Variants in CCSER1 observed in about 807,000 individuals in gnomAD.
The protein encoded by CCSER1 is serine-rich coiled-coil domain-containing protein 1.
In CCSER1, 41 loss-of-function variants were observed where a neutral mutation model predicts 82.0. The observed-to-expected ratio is 0.50, with a 90% CI of 0.39 to 0.65. The LOEUF is 0.65. Among genes scored for constraint, CCSER1 ranks in the 30% least tolerant of loss-of-function variants. The pLI is 0.00. For synonymous variants in CCSER1, 414 were observed against 383.9 expected (o/e 1.08, Z -0.92); for missense variants, 1,119 against 1,064.2 (o/e 1.05, Z -0.72).
At chr4:91,237,473 T>G (rs938934212) in intron 10 of CCSER1, among the ~76,000 whole-genome samples, 5 of 151,886 alleles carry the variant, frequency 3.3e-5, no homozygotes, top group African/African-American at 9.7e-5. Flanking sequence ...AGTCAGAAAT[T>G]TTGTCAAAAT....
intron 6 of CCSER1, among the ~76,000 whole-genome samples, chr4:90,722,271 A>G (rs114936040): frequency 0.011 from 1,676 of 151,984 alleles, 37 homozygotes; most frequent in African/African-American, 0.037. Context: ...TACTACAGGT[A>G]AATATCGAAT....
At chr4:90,983,758 A>G (rs1736336731) in intron 9 of CCSER1, among the ~76,000 whole-genome samples, 1 of 151,798 alleles carries the variant, frequency 6.6e-6, no homozygotes, top group Admixed American at 6.6e-5. Flanking sequence ...TATGTTACCT[A>G]ATAAAATTTA....
At chr4:91,141,792 T>C (rs1327145316) in intron 10 of CCSER1, among the ~76,000 whole-genome samples, 1 of 152,138 alleles carries the variant, frequency 6.6e-6, no homozygotes, top group Non-Finnish European at 1.5e-5. Context: ...CCAACAGTTG[T>C]TTTTGGCCCT....
At chr4:90,859,550 T>A (rs1445262886) in intron 8 of CCSER1, among the ~76,000 whole-genome samples, 1 of 151,792 alleles carries the variant, frequency 6.6e-6, no homozygotes, top group Non-Finnish European at 1.5e-5. Context: ...GATGATAGAA[T>A]TAAAAAATAA....
At chr4:90,390,337 A>G (rs889475665) in intron 3 of CCSER1, among the ~76,000 whole-genome samples, 3 of 152,174 alleles carry the variant, frequency 2.0e-5, no homozygotes, top group Admixed American at 2.0e-4. Context: ...CAGGTTTGTT[A>G]CATGGGTATC....
intron 7 of CCSER1, among the ~76,000 whole-genome samples, chr4:90,751,718 GA>G (rs1748695734): frequency 6.6e-6 from 1 of 151,932 alleles, no homozygotes; most frequent in Non-Finnish European, 1.5e-5. Context: ...TTTCCAAATG[GA>G]AGTTTATTCT....
At chr4:90,601,097 A>G (rs1783979487) in intron 5 of CCSER1, among the ~76,000 whole-genome samples, 2 of 152,078 alleles carry the variant, frequency 1.3e-5, no homozygotes, top group South Asian at 4.1e-4. Flanking sequence ...GTCATTTGCA[A>G]ATAAATACAG....
chr4:91,457,425 G>T (rs1560686654), intron 10 of CCSER1, among the ~76,000 whole-genome samples: 1 of 151,870 alleles, frequency 6.6e-6, no homozygotes, highest in Non-Finnish European at 1.5e-5. Flanking sequence ...CCTACACTTT[G>T]GGACCCCAAG....
At chr4:91,597,572 GTTTTA>G (rs565471402) in intron 10 of CCSER1, among the ~76,000 whole-genome samples, 1 of 152,124 alleles carries the variant, frequency 6.6e-6, no homozygotes, top group South Asian at 2.1e-4. Flanking sequence ...TGAGAATCAA[GTTTTA>G]TTTTGTTTGG....
At chr4:90,266,150 T>C (rs72877799) in intron 1 of CCSER1, among the ~76,000 whole-genome samples, 7,383 of 152,216 alleles carry the variant, frequency 0.049, 477 homozygotes, top group African/African-American at 0.15. Flanking sequence ...CAGGAACCAC[T>C]ATCATTTATC....
At chr4:90,809,035 A>C (rs1053616173) in intron 7 of CCSER1, among the ~76,000 whole-genome samples, 6 of 152,136 alleles carry the variant, frequency 3.9e-5, no homozygotes, top group African/African-American at 1.4e-4. Flanking sequence ...ATGGTATTAT[A>C]AGTCAGGCAC....
intron 10 of CCSER1, among the ~76,000 whole-genome samples, chr4:91,235,213 CT>C (rs1322379590): frequency 2.0e-5 from 3 of 151,976 alleles, no homozygotes; most frequent in African/African-American, 7.2e-5. Context: ...TTGTTTCCCC[CT>C]ATTGGAAGAG....
intron 9 of CCSER1, among the ~76,000 whole-genome samples, chr4:90,949,434 A>G (rs187809968): frequency 5.5e-4 from 83 of 152,274 alleles, no homozygotes; most frequent in Non-Finnish European, 1.0e-3. Context: ...AAATCAGAAC[A>G]TAATACGGTA....
chr4:91,383,594 T>C (rs1054599626), intron 10 of CCSER1, among the ~76,000 whole-genome samples: 1 of 152,132 alleles, frequency 6.6e-6, no homozygotes, highest in Non-Finnish European at 1.5e-5. Context: ...GGACAAACTA[T>C]AGCCACTTTT....
intron 10 of CCSER1, among the ~76,000 whole-genome samples, chr4:91,474,758 CAT>C (rs1491445406): frequency 0.013 from 877 of 65,486 alleles, 9 homozygotes; most frequent in African/African-American, 0.047. Flanking sequence ...CACACACACA[CAT>C]GTGTGTGTAT....
At chr4:90,150,128 C>T (rs1726545419) in intron 1 of CCSER1, among the ~76,000 whole-genome samples, 2 of 152,154 alleles carry the variant, frequency 1.3e-5, no homozygotes, top group Non-Finnish European at 2.9e-5. Flanking sequence ...GAAAAACCCA[C>T]ATAATAGCAA....
intron 5 of CCSER1, among the ~76,000 whole-genome samples, chr4:90,469,249 T>G (rs1441069329): frequency 6.6e-6 from 1 of 152,100 alleles, no homozygotes; most frequent in Non-Finnish European, 1.5e-5. Context: ...AAGGCATAAT[T>G]GTGCTTGATA....
At position 90,732,423 on chromosome 4, in the gene CCSER1, C is replaced by T. The variant is rs576013632; in HGVS notation, c.2010+8432C>T. Among the ~76,000 whole-genome samples the T allele has an allele frequency of 1.6e-4, 24 of 152,216 alleles. 2 individuals are homozygous for T. In the South Asian group the frequency reaches 5.0e-3, roughly 32 times the overall value. On this transcript the variant is annotated intron_variant, in intron 7 of 10. Coordinates refer to ENST00000509176, the MANE Select transcript of CCSER1 (RefSeq NM_001145065.2). ...AGGACATGTATGTGATATTTCTGCCCAGTAAAGGCCAGTAGCAACTCAGCA... is the reference window on the plus strand; with the variant it reads ...AGGACATGTATGTGATATTTCTGCCTAGTAAAGGCCAGTAGCAACTCAGCA...
intron 6 of CCSER1, among the ~76,000 whole-genome samples, chr4:90,657,280 T>C (rs1285980332): frequency 1.3e-5 from 2 of 152,150 alleles, no homozygotes; most frequent in Non-Finnish European, 2.9e-5. Flanking sequence ...TTTCTGGCTT[T>C]ATTCAAAAGA....
Sources: gnomAD v4.1 joint callset for allele counts (sites outside exome capture counted in the v4.1 genomes callset) on GRCh38, gnomAD v4.1.1 for gene constraint, MANE v1.5 for transcripts, NCBI Gene and HGNC (gene_info 2026-07-23, HGNC 2026-07-21) for gene names.